Variants in DIAPH3 observed in about 807,000 individuals in gnomAD.
The protein encoded by DIAPH3 is diaphanous related formin 3, also known as protein diaphanous homolog 3.
Under a neutral mutation model 144.3 loss-of-function variants are expected in DIAPH3, and 117 were observed. The ratio of observed to expected loss-of-function variants is 0.81; its 90% CI spans 0.70 to 0.95. The LOEUF (loss-of-function observed/expected upper bound fraction) is 0.95. DIAPH3 is among the 40% of genes least tolerant of loss of function. The pLI is 0.00. For synonymous variants in DIAPH3, 519 were observed against 488.9 expected (o/e 1.06, Z -0.81); for missense variants, 1,421 against 1,412.7 (o/e 1.01, Z -0.09).
intron 3 of DIAPH3, among the ~76,000 whole-genome samples, chr13:60,106,098 A>C (rs2058412223): frequency 6.6e-6 from 1 of 152,118 alleles, no homozygotes; most frequent in Non-Finnish European, 1.5e-5. Context: ...CAAAAATATC[A>C]AAAGAACATG....
chr13:59,870,973 T>C (rs2044233018), intron 21 of DIAPH3, among the ~76,000 whole-genome samples: 1 of 152,142 alleles, frequency 6.6e-6, no homozygotes, highest in Non-Finnish European at 1.5e-5. Flanking sequence ...CCTGGCCTTG[T>C]AGTTTTCCTC....
rs3220859 is a variant in DIAPH3, at chr13:59,939,835, CGTGTGTGTGTGTGTGT to C, written c.2075-14981_2075-14966del. 8.2e-5 allele frequency among the ~76,000 whole-genome samples: 12 copies of C among 146,760 alleles called. No individual in the cohort carries two copies. In the South Asian group the frequency reaches 2.0e-3, roughly 24 times the overall value. ...ATATGTATCTACAGGGAGAATGAGGCGTGTGTGTGTGTGTGTGTGTGTGTGTGTGTGTGTGTATCAC... is the reference window on the plus strand; with the variant it reads ...ATATGTATCTACAGGGAGAATGAGGCGTGTGTGTGTGTGTGTGTGTATCAC... On this transcript the variant is annotated intron_variant, in intron 17 of 27. Coordinates refer to ENST00000400324, the MANE Select transcript of DIAPH3 (RefSeq NM_001042517.2).
chr13:60,067,543 C>T (rs1222157845), intron 4 of DIAPH3, among the ~76,000 whole-genome samples: 2 of 152,150 alleles, frequency 1.3e-5, no homozygotes, highest in African/African-American at 4.8e-5. Flanking sequence ...GCCATTACCT[C>T]AAGCTAATTT....
intron 27 of DIAPH3, among the ~76,000 whole-genome samples, chr13:59,707,303 T>C (rs1390585616): frequency 1.3e-5 from 2 of 152,208 alleles, no homozygotes; most frequent in South Asian, 2.1e-4. Context: ...TCAGTAATCA[T>C]TACTTGGTAC....
chr13:59,788,767 A>G (rs2139386557), intron 25 of DIAPH3, among the ~76,000 whole-genome samples: 1 of 152,340 alleles, frequency 6.6e-6, no homozygotes, highest in South Asian at 2.1e-4. Flanking sequence ...TATTTTATCA[A>G]TGAGGACATC....
chr13:59,853,554 T>C (rs895237846), intron 22 of DIAPH3, among the ~76,000 whole-genome samples: 2 of 152,152 alleles, frequency 1.3e-5, no homozygotes, highest in African/African-American at 4.8e-5. Context: ...GTGCTGCTCC[T>C]TTGCCGTCTG....
At chr13:59,932,678 G>A (rs1482216925) in intron 17 of DIAPH3, among the ~76,000 whole-genome samples, 2 of 152,104 alleles carry the variant, frequency 1.3e-5, no homozygotes, top group Non-Finnish European at 2.9e-5. Flanking sequence ...ACTCAGGATG[G>A]TGAGTATATA....
intron 9 of DIAPH3, among the ~76,000 whole-genome samples, chr13:60,001,381 A>T (rs1252137292): frequency 6.6e-6 from 1 of 152,126 alleles, no homozygotes; most frequent in Non-Finnish European, 1.5e-5. Flanking sequence ...AACTCCCATA[A>T]CTGTAGCTCA....
At chr13:59,783,653 T>C (rs1263395693) in intron 25 of DIAPH3, among the ~76,000 whole-genome samples, 1 of 152,220 alleles carries the variant, frequency 6.6e-6, no homozygotes, top group Non-Finnish European at 1.5e-5. Context: ...CAATCAGTGT[T>C]ATTGGGCATA....
chr13:59,941,382 G>A (rs2048526690), intron 17 of DIAPH3, among the ~76,000 whole-genome samples: 1 of 152,224 alleles, frequency 6.6e-6, no homozygotes, highest in Admixed American at 6.5e-5. Context: ...ATACACCTCT[G>A]GAGGGTGTGC....
At position 59,998,855 on chromosome 13, in the gene DIAPH3, G is replaced by A. The variant is rs894193372; in HGVS notation, c.1015-6272C>T. Among the ~76,000 whole-genome samples the A allele has an allele frequency of 7.9e-5, 12 of 152,070 alleles. No individual in the cohort carries two copies. The East Asian group carries it at 1.5e-3, about 20-fold the overall frequency. ...AACAAATTAACATTTGCATCCTTCCGGGATAGCTCAACAATGATCCTAAAA... is the reference window on the plus strand; with the variant it reads ...AACAAATTAACATTTGCATCCTTCCAGGATAGCTCAACAATGATCCTAAAA... On this transcript the variant is annotated intron_variant, in intron 9 of 27. Coordinates refer to ENST00000400324, the MANE Select transcript of DIAPH3 (RefSeq NM_001042517.2).
chr13:60,159,725 C>A (rs1221555235), intron 1 of DIAPH3, among the ~76,000 whole-genome samples: 1 of 152,068 alleles, frequency 6.6e-6, no homozygotes, highest in Admixed American at 6.5e-5. Context: ...TGATTTTAGG[C>A]AGCTTAATCT....
intron 5 of DIAPH3, among the ~76,000 whole-genome samples, chr13:60,031,496 G>A (rs2054790787): frequency 1.3e-5 from 2 of 152,090 alleles, no homozygotes; most frequent in Admixed American, 1.3e-4. Context: ...GTCCCCCAAA[G>A]TCTTAATTCA....
chr13:60,069,241 T>C (rs543285361), intron 4 of DIAPH3, among the ~76,000 whole-genome samples: 123 of 152,310 alleles, frequency 8.1e-4, no homozygotes, highest in South Asian at 1.2e-3. Flanking sequence ...ATTAGTGATA[T>C]TGAGCACTTT....
intron 27 of DIAPH3, among the ~76,000 whole-genome samples, chr13:59,680,681 G>A (rs1335928286): frequency 6.6e-6 from 1 of 151,644 alleles, no homozygotes; most frequent in Non-Finnish European, 1.5e-5. Context: ...ATAGTTCCCT[G>A]AATAACTTTT....
At chr13:60,035,633 T>A (rs1248192733) in intron 5 of DIAPH3, among the ~76,000 whole-genome samples, 1 of 152,222 alleles carries the variant, frequency 6.6e-6, no homozygotes, top group Non-Finnish European at 1.5e-5. Flanking sequence ...TCAACAAATA[T>A]TTATTTAATA....
chr13:59,850,135 A>T (rs564360669), intron 22 of DIAPH3, among the ~76,000 whole-genome samples: 7 of 152,140 alleles, frequency 4.6e-5, no homozygotes, highest in African/African-American at 1.7e-4. Context: ...TTGTTGGTGT[A>T]TAAGAATGCT....
chr13:59,989,284 A>C (rs1047149783), intron 12 of DIAPH3, among the ~76,000 whole-genome samples: 3 of 151,848 alleles, frequency 2.0e-5, no homozygotes, highest in Non-Finnish European at 2.9e-5. Context: ...AAATAAATAA[A>C]ATTTTAAAAA....
At chr13:59,768,338 T>C (rs1181021862) in intron 27 of DIAPH3, among the ~76,000 whole-genome samples, 1 of 152,138 alleles carries the variant, frequency 6.6e-6, no homozygotes, top group African/African-American at 2.4e-5. Context: ...TAATATATTG[T>C]TCCTTATGCT....
Sources: gnomAD v4.1 joint callset for allele counts (sites outside exome capture counted in the v4.1 genomes callset) on GRCh38, gnomAD v4.1.1 for gene constraint, MANE v1.5 for transcripts, NCBI Gene and HGNC (gene_info 2026-07-23, HGNC 2026-07-21) for gene names.